UNC13D: variants seen among roughly 807,000 people sequenced by gnomAD.
UNC13D encodes unc-13 homolog D.
A neutral mutation model predicts 151.7 loss-of-function variants in UNC13D; 115 were observed. The ratio of observed to expected loss-of-function variants is 0.76; its 90% CI spans 0.65 to 0.88. The LOEUF (loss-of-function observed/expected upper bound fraction) is 0.88, where lower values mean the gene tolerates loss of function less well. UNC13D is among the 40% of genes least tolerant of loss of function. UNC13D has a pLI of 0.00. For missense variants in UNC13D, 1,369 were observed against 1,438.7 expected (o/e 0.95, Z 0.78); for synonymous variants, 588 against 612.2 (o/e 0.96, Z 0.58).
rs1796180921 is a variant in UNC13D at position 75,829,985 on chromosome 17, A to T, written c.2954+43T>A. ...GCAGGCCTGAGGGAGCCCAGTGGGG[A>T]GAGATGAGGGGAGGGACTGGGAGAA... On this transcript the variant is annotated intron_variant, in intron 30 of 31. Transcript: ENST00000207549. 4 of 1,561,758 alleles carry T rather than the reference A, an allele frequency of 2.6e-6. No individual in the cohort carries two copies. In the East Asian group the frequency reaches 9.4e-5, roughly 37 times the overall value.
rs200526730 is a variant in UNC13D, at chr17:75,841,019, C to T, written c.570-18G>A. ...CAAACTCCCTGTATGGAGAAAAGGG[C>T]GTGGTTGAGGGCCCTGGAGGGTGGA... On this transcript the variant is annotated intron_variant, in intron 6 of 31. Coordinates refer to ENST00000207549, the MANE Select transcript of UNC13D (RefSeq NM_199242.3). The T allele has an allele frequency of 5.0e-5, 81 of 1,610,418 alleles. 1 individual carries two copies. Among genetic ancestry groups the T allele is most frequent in the South Asian group, 2.0e-4 (18 of 90,972 alleles).
At chr17:75,829,888 G>A in intron 30 of UNC13D, 140 bp downstream of exon 30, 2 of 1,345,848 alleles carry the variant, frequency 1.5e-6, no homozygotes, top group Middle Eastern at 4.6e-4. Context: ...GCAAACTCTT[G>A]TCCCAGATGC....
chr17:75,839,980 G>C, intron 11 of UNC13D, 38 bp from the exon 12 acceptor site: 1 of 1,613,484 alleles, frequency 6.2e-7, no homozygotes, highest in Non-Finnish European at 8.5e-7. Context: ...GGACCTGAAG[G>C]GCAGCCCCGG....
rs2064889016 is a variant in UNC13D at position 75,833,940 on chromosome 17, A to G, written c.2367+135T>C. 1.8e-6 allele frequency: 2 copies of G among 1,109,626 alleles called. No individual in the cohort carries two copies. The highest frequency in any genetic ancestry group is 1.3e-6 in the Non-Finnish European group (1 of 743,996). 68.7% of individuals were successfully genotyped at this position (1,109,626 alleles called of 1,614,324 possible). On this transcript the variant is annotated intron_variant, in intron 24 of 31. Transcript: ENST00000207549. The surrounding 1 kb of genome is among the most constrained non-coding windows in gnomAD (Gnocchi z 4.0). ...AACCCGTTCCTGTGAGCATCCCAGGAGGAAACTGAGGCCCAGGGAGAGAAC... is the reference window on the plus strand; with the variant it reads ...AACCCGTTCCTGTGAGCATCCCAGGGGGAAACTGAGGCCCAGGGAGAGAAC...
Position 75,828,014 on chromosome 17 carries a change from C to T in UNC13D, c.3224G>A (p.Arg1075Gln), listed in dbSNP as rs377594755. The T allele has an allele frequency of 8.0e-5, 128 of 1,594,552 alleles. No individual in the cohort carries two copies. Among genetic ancestry groups the T allele is most frequent in the Middle Eastern group, 1.7e-4 (1 of 5,764 alleles). Residue 1075 changes from arginine to glutamine, a missense_variant, in exon 32 of 32, where the codon CGG (arginine) becomes CAG (glutamine). By Grantham distance (43) the Arg-to-Gln change is conservative. This residue lies in a region of UNC13D where 807 missense variants were observed against 795.5 expected (regional missense o/e 1.01). Transcript: ENST00000207549. ...REAQVFVRLR[R>Q]HRAKQASQHA... The stretch of plus-strand genomic sequence containing the variant: ...CTGGGAGGCCTGCTTGGCCCGGTGC[C>T]GCCGCAGCCTCACAAAGACCTGGGC...
chr17:75,834,810 T>A, intron 21 of UNC13D, 94 bp from the exon 22 acceptor site: 1 of 1,607,980 alleles, frequency 6.2e-7, no homozygotes, highest in Non-Finnish European at 8.5e-7. Context: ...ACTTGGGGGA[T>A]TTAGAATACA....
chr17:75,844,028 C>T (rs2064968441), intron 1 of UNC13D, 193 bp downstream of exon 1: 1 of 1,431,684 alleles, frequency 7.0e-7, no homozygotes, highest in Non-Finnish European at 9.2e-7. Flanking sequence ...CTGAGGCCCA[C>T]AGTGGCCCAG....
rs761667455 is a variant in UNC13D at position 75,835,057 on chromosome 17, G to A, written c.1855C>T (p.Pro619Ser). 3.7e-6 allele frequency: 6 copies of A among 1,613,730 alleles called. No individual in the cohort carries two copies. In the Admixed American group the frequency reaches 8.3e-5, roughly 22 times the overall value. Residue 619 changes from proline to serine, a missense_variant, in exon 21 of 32, where the codon CCC becomes TCC. Pro to Ser is a moderately conservative substitution (Grantham distance 74, BLOSUM62 -1). Coordinates refer to ENST00000207549, the MANE Select transcript of UNC13D (RefSeq NM_199242.3). ...CTGTGCTTGGTCAGTTCACCCAGGG[G>A]CACCAGCTGGGGGAAGAAAGGAGGA... ...QRAVQMDELVPLGELTKHSTS... is the reference protein window; with the variant it reads ...QRAVQMDELVSLGELTKHSTS...
chr17:75,831,191 A>G (rs1317283436), intron 26 of UNC13D, 22 bp from the exon 27 acceptor site: 1 of 1,613,856 alleles, frequency 6.2e-7, no homozygotes, highest in South Asian at 1.1e-5. Flanking sequence ...ATCAGAGGTG[A>G]CCCCAGGCAC....
rs908049021 is a variant in UNC13D, at chr17:75,843,279, G to A, written c.154-13C>T. 6.2e-7 allele frequency: 1 copy of A among 1,604,226 alleles called. No individual in the cohort carries two copies. Among genetic ancestry groups the A allele is most frequent in the Admixed American group, 1.7e-5 (1 of 59,986 alleles). ...AGAGCAGGGCCCGCTAAGACACACG[G>A]GGTCACCTTGGGGACCCCACCAGCC... On this transcript the variant is annotated splice_polypyrimidine_tract_variant and intron_variant, in intron 2 of 31. Coordinates refer to ENST00000207549, the MANE Select transcript of UNC13D (RefSeq NM_199242.3).
Position 75,842,330 on chromosome 17 carries a change from C to T in UNC13D, c.569+103G>A. The T allele has an allele frequency of 2.0e-6, 3 of 1,486,014 alleles. No homozygotes were observed. The South Asian group carries it at 4.0e-5, about 20-fold the overall frequency. 92.1% of individuals were successfully genotyped at this position (1,486,014 alleles called of 1,614,324 possible). A position where few individuals can be genotyped will look rare whatever the true frequency, so the allele number is the denominator to read the frequency against. On this transcript the variant is annotated intron_variant, in intron 6 of 31. Coordinates refer to ENST00000207549, the MANE Select transcript of UNC13D (RefSeq NM_199242.3). ...TCTAGTCTTTGCCCAGGGCCAAACC[C>T]CCTCCCCTGAGCCAGGACGACCTAC...
chr17:75,836,502 C>T, intron 14 of UNC13D, 70 bp downstream of exon 14: 1 of 1,612,616 alleles, frequency 6.2e-7, no homozygotes. Flanking sequence ...ACAATTCTCC[C>T]ACTCCTGCAG....
intron 30 of UNC13D, 103 bp from the exon 31 acceptor site, chr17:75,829,086 C>T: frequency 1.4e-6 from 2 of 1,416,342 alleles, no homozygotes; most frequent in South Asian, 1.3e-5. Context: ...AGGGTTTGGA[C>T]TGCAAAGCCA....
intron 6 of UNC13D, among the ~76,000 whole-genome samples, chr17:75,842,097 T>G (rs1472788701): frequency 6.6e-6 from 1 of 152,118 alleles, no homozygotes; most frequent in African/African-American, 2.4e-5. Context: ...GCCAGGCTGG[T>G]CTCAGTCTCC....
At position 75,834,321 on chromosome 17, in the gene UNC13D, G is replaced by A; in HGVS notation, c.2298+4C>T. ...TGGGGTGACTGTGCGGTCGGACAAGGTACCTGCTCGGCCAGGGTGCGGACG... is the reference window on the plus strand; with the variant it reads ...TGGGGTGACTGTGCGGTCGGACAAGATACCTGCTCGGCCAGGGTGCGGACG... On this transcript the variant is annotated splice_donor_region_variant and intron_variant, in intron 23 of 31. Coordinates refer to ENST00000207549, the MANE Select transcript of UNC13D (RefSeq NM_199242.3). 6 of 1,594,428 alleles carry A rather than the reference G, an allele frequency of 3.8e-6. No individual in the cohort carries two copies. The highest frequency in any genetic ancestry group is 5.1e-6 in the Non-Finnish European group (6 of 1,178,638).
In UNC13D at chr17:75,827,748, G is replaced by A; in HGVS notation, c.*217C>T. The A allele has an allele frequency of 6.7e-7, 1 of 1,489,408 alleles. No individual in the cohort carries two copies. The allele number at this position is 1,489,408 out of a possible 1,614,324, so 92.3% of individuals were successfully genotyped here. The stretch of plus-strand genomic sequence containing the variant: ...GATGTGGTAGAGACATTGCAGCCAG[G>A]GCTGGAGGCAGGGAGGCGGGAGTAG... On this transcript the variant is annotated 3_prime_UTR_variant, in exon 32 of 32. Transcript: ENST00000207549.
Position 75,840,515 on chromosome 17 carries a change from T to C in UNC13D, c.745A>G (p.Arg249Gly). The C allele has an allele frequency of 6.2e-7, 1 of 1,612,176 alleles. No individual in the cohort carries two copies. Among genetic ancestry groups the C allele is most frequent in the Admixed American group, 1.7e-5 (1 of 59,912 alleles). The change falls in exon 9 of 32, where the codon AGG becomes GGG. Residue 249 changes from arginine to glycine, a missense_variant. By Grantham distance (125) the Arg-to-Gly change is moderately radical. Coordinates refer to ENST00000207549, the MANE Select transcript of UNC13D (RefSeq NM_199242.3). The surrounding 1 kb of genome is among the most constrained non-coding windows in gnomAD (Gnocchi z 4.6). ...QDDFLGNVVL[R>G]LQDLRCREDQ... Reference sequence around the variant, plus strand: ...TTCCTCATCCTCCTCACCTGCAGCCTCAGAACCACGTTCCCCAGAAAGTCG... The same window carrying C: ...TTCCTCATCCTCCTCACCTGCAGCCCCAGAACCACGTTCCCCAGAAAGTCG...
chr17:75,841,303 C>A (rs886094815), intron 6 of UNC13D: 6 of 396,574 alleles, frequency 1.5e-5, no homozygotes, highest in African/African-American at 1.2e-4. Flanking sequence ...CGCCACCACA[C>A]CTGGCTAATT....
rs113796451 is a variant in UNC13D, at chr17:75,832,912, G to A, written c.2447+54C>T. The A allele has an allele frequency of 1.9e-5, 28 of 1,499,500 alleles. No individual in the cohort carries two copies. The highest frequency in any genetic ancestry group is 1.8e-4 in the Admixed American group (9 of 50,098). 92.9% of individuals were successfully genotyped at this position (1,499,500 alleles called of 1,614,324 possible). On this transcript the variant is annotated intron_variant, in intron 25 of 31. Transcript: ENST00000207549. The surrounding 1 kb of genome is among the most constrained non-coding windows in gnomAD (Gnocchi z 4.3). The stretch of plus-strand genomic sequence containing the variant: ...TGCTGGGGCCCAGGAAGGAGGGGCC[G>A]TGGGAGGAGAGGGGGAGGTGGCGAG...
Sources: allele counts gnomAD v4.1 joint callset (sites outside exome capture counted in the v4.1 genomes callset), GRCh38; gene constraint gnomAD v4.1.1; regional missense constraint gnomAD v4.1.1; non-coding constraint Gnocchi (gnomAD v3.1); transcripts MANE v1.5; gene names NCBI Gene and HGNC (gene_info 2026-07-23, HGNC 2026-07-21).